GALNT13: variants seen among roughly 807,000 people sequenced by gnomAD.
GALNT13 encodes UDP-GalNAc:polypeptide N-acetylgalactosaminyltransferase 13.
A neutral mutation model predicts 64.2 loss-of-function variants in GALNT13; 28 were observed. The observed-to-expected ratio is 0.44, with a 90% CI of 0.32 to 0.60. The LOEUF is 0.60. Ranked by LOEUF, GALNT13 falls within the 20% of genes least tolerant of loss-of-function variation. The pLI is 0.05. For synonymous variants in GALNT13, 214 were observed against 224.6 expected, an observed-to-expected ratio of 0.95 and a Z score of 0.42; for missense variants, 577 against 669.8, an observed-to-expected ratio of 0.86 and a Z score of 1.53.
chr2:153,283,570 A>C, the GALNT13 span, among the ~76,000 whole-genome samples: 297 of 152,228 alleles, frequency 2.0e-3, 2 homozygotes, highest in African/African-American at 6.8e-3. Context: ...AAATGCCCAG[A>C]GATATCTGCT....
At chr2:153,879,525 A>G (rs1202004339) in intron 1 of GALNT13, among the ~76,000 whole-genome samples, 1 of 139,116 alleles carries the variant, frequency 7.2e-6, no homozygotes, top group South Asian at 2.6e-4. Context: ...CTGCCATGTC[A>G]GGCTAATTTT....
At position 154,436,516 on chromosome 2, in the gene GALNT13, C is replaced by A. The variant is rs1700981667; in HGVS notation, c.1396-2076C>A. 3 of 152,186 alleles carry A rather than the reference C, an allele frequency of 2.0e-5. No homozygotes were observed. In the South Asian group the frequency reaches 6.2e-4, roughly 32 times the overall value. 9.4% of individuals were successfully genotyped at this position (152,186 alleles called of 1,614,324 possible). ...TTGTACACTTTAAAAGGAAGCAATT[C>A]TAATGTCGAAGACTATCCTTCAGTA... On this transcript the variant is annotated intron_variant, in intron 11 of 12. Coordinates refer to ENST00000392825, the MANE Select transcript of GALNT13 (RefSeq NM_052917.4).
the GALNT13 span, among the ~76,000 whole-genome samples, chr2:153,679,698 A>G: frequency 6.6e-6 from 1 of 151,856 alleles, no homozygotes; most frequent in Non-Finnish European, 1.5e-5. Flanking sequence ...CCTTTTTAAA[A>G]ACTGCCAACT....
chr2:154,090,154 C>T (rs1036533956), intron 3 of GALNT13, among the ~76,000 whole-genome samples: 1 of 151,954 alleles, frequency 6.6e-6, no homozygotes. Context: ...AAGATAAACA[C>T]TGGGTGATAA....
chr2:154,063,349 G>A (rs771988965), intron 3 of GALNT13, among the ~76,000 whole-genome samples: 1 of 152,040 alleles, frequency 6.6e-6, no homozygotes, highest in Non-Finnish European at 1.5e-5. Context: ...TTTGGTCTAT[G>A]TTTCATTGAT....
chr2:153,086,796 T>C, the GALNT13 span, among the ~76,000 whole-genome samples: 2 of 152,096 alleles, frequency 1.3e-5, no homozygotes, highest in African/African-American at 4.8e-5. Context: ...TCACTGTTGG[T>C]GTATAGCAGT....
the GALNT13 span, among the ~76,000 whole-genome samples, chr2:153,745,172 T>C: frequency 6.6e-6 from 1 of 152,158 alleles, no homozygotes; most frequent in South Asian, 2.1e-4. Context: ...CTTGGAGAGA[T>C]CACTCAAAAC....
the GALNT13 span, among the ~76,000 whole-genome samples, chr2:153,824,889 T>G: frequency 6.8e-4 from 103 of 152,262 alleles, no homozygotes; most frequent in Admixed American, 3.5e-3. Flanking sequence ...TCCTTTGTTT[T>G]CTGCCATGAT....
the GALNT13 span, chr2:153,173,383 C>A: frequency 6.6e-6 from 1 of 152,120 alleles, no homozygotes; most frequent in African/African-American, 2.4e-5. Flanking sequence ...CTACCGAAAT[C>A]AAGTTAGGAT....
the GALNT13 span, among the ~76,000 whole-genome samples, chr2:153,765,580 C>A: frequency 6.6e-6 from 1 of 152,130 alleles, no homozygotes; most frequent in Non-Finnish European, 1.5e-5. Flanking sequence ...TCAGATGAGA[C>A]TTTGGACTGT....
chr2:154,286,025 T>C (rs937134618), intron 8 of GALNT13, among the ~76,000 whole-genome samples: 8 of 152,226 alleles, frequency 5.3e-5, no homozygotes, highest in African/African-American at 1.9e-4. Flanking sequence ...ATACAAGTGA[T>C]TTTTGTATTT....
chr2:154,420,200 TG>T (rs948226786), intron 11 of GALNT13, among the ~76,000 whole-genome samples: 4 of 152,016 alleles, frequency 2.6e-5, no homozygotes, highest in Non-Finnish European at 5.9e-5. Context: ...TTACTGAAAA[TG>T]GGAATCTGTT....
the GALNT13 span, among the ~76,000 whole-genome samples, chr2:153,677,120 A>G: frequency 2.0e-5 from 3 of 152,214 alleles, no homozygotes; most frequent in East Asian, 1.9e-4. Context: ...TTCTATACCT[A>G]GAAAACCCTA....
chr2:153,781,640 T>A, the GALNT13 span, among the ~76,000 whole-genome samples: 1 of 152,004 alleles, frequency 6.6e-6, no homozygotes, highest in Admixed American at 6.6e-5. Context: ...TGTTTACATA[T>A]CTCAGAAAAA....
chr2:154,047,454 T>C (rs1253268674), intron 3 of GALNT13, among the ~76,000 whole-genome samples: 2 of 152,158 alleles, frequency 1.3e-5, no homozygotes, highest in African/African-American at 2.4e-5. Flanking sequence ...GGAGTTAATG[T>C]GCTATGGTTT....
chr2:153,725,917 T>C, the GALNT13 span, among the ~76,000 whole-genome samples: 1 of 152,200 alleles, frequency 6.6e-6, no homozygotes, highest in Non-Finnish European at 1.5e-5. Context: ...ATTAGTATAA[T>C]AATTTTTAAA....
chr2:154,070,479 C>T (rs976177989), intron 3 of GALNT13, among the ~76,000 whole-genome samples: 5 of 151,902 alleles, frequency 3.3e-5, no homozygotes, highest in African/African-American at 1.2e-4. Context: ...TATTATGGAG[C>T]TGGTGTCTTT....
the GALNT13 span, among the ~76,000 whole-genome samples, chr2:153,111,879 G>C: frequency 6.6e-6 from 1 of 152,100 alleles, no homozygotes; most frequent in East Asian, 1.9e-4. Flanking sequence ...ATCTGTTTCT[G>C]AAAGTTGACT....
the GALNT13 span, among the ~76,000 whole-genome samples, chr2:153,644,035 A>G: frequency 6.6e-6 from 1 of 151,958 alleles, no homozygotes; most frequent in Non-Finnish European, 1.5e-5. Context: ...TTTCTTTTCA[A>G]CACTGCTCAG....
Sources: allele counts gnomAD v4.1 joint callset (sites outside exome capture counted in the v4.1 genomes callset), GRCh38; gene constraint gnomAD v4.1.1; transcripts MANE v1.5; gene names NCBI Gene and HGNC (gene_info 2026-07-23, HGNC 2026-07-21).